ACKR2: variants seen among roughly 807,000 people sequenced by gnomAD.
The protein encoded by ACKR2 is atypical chemokine receptor 2.
For synonymous variants in ACKR2, 207 were observed against 192.2 expected, an observed-to-expected ratio of 1.08 and a Z score of -0.64; for missense variants, 457 against 477.3, an observed-to-expected ratio of 0.96 and a Z score of 0.40.
chr3:42,843,438 A>C (rs930639288), intron 2 of ACKR2, among the ~76,000 whole-genome samples: 7 of 152,198 alleles, frequency 4.6e-5, no homozygotes, highest in African/African-American at 1.7e-4. Flanking sequence ...GTAGTTGGGT[A>C]ATATTATTTT....
At chr3:42,821,821 C>T (rs949255479) in intron 2 of ACKR2, among the ~76,000 whole-genome samples, 13 of 152,024 alleles carry the variant, frequency 8.6e-5, no homozygotes, top group African/African-American at 2.4e-4. Context: ...CTCAGCCTCC[C>T]GAGTAGCTGG....
At chr3:42,853,429 GTTA>G (rs1701184442) in intron 2 of ACKR2, among the ~76,000 whole-genome samples, 1 of 152,114 alleles carries the variant, frequency 6.6e-6, no homozygotes, top group African/African-American at 2.4e-5. Context: ...CAACCTAGTT[GTTA>G]TTATTGTTAT....
At chr3:42,841,031 C>G (rs1050800930) in intron 2 of ACKR2, among the ~76,000 whole-genome samples, 3 of 152,120 alleles carry the variant, frequency 2.0e-5, no homozygotes, top group Admixed American at 2.0e-4. Context: ...CCACCCCTAC[C>G]CCCAGCAGTC....
intron 1 of ACKR2, among the ~76,000 whole-genome samples, chr3:42,812,084 C>T (rs764153708): frequency 1.6e-4 from 24 of 152,222 alleles, no homozygotes; most frequent in Non-Finnish European, 2.1e-4. Context: ...CCTGGGACCA[C>T]TGTTCTTTCT....
Position 42,834,879 on chromosome 3 carries a change from AT to A in ACKR2, c.-38+15178del, listed in dbSNP as rs910469798. On this transcript the variant is annotated intron_variant, in intron 2 of 2. Coordinates refer to ENST00000422265, the MANE Select transcript of ACKR2 (RefSeq NM_001296.5). ...GGCATGAGCCACTGTGCCCGGGCAA[AT>A]TTTTTTTTTATTATTATTTTTTGAG... is the stretch of plus-strand genomic sequence containing the variant. 4.7e-5 allele frequency among the ~76,000 whole-genome samples: 7 copies of A among 148,466 alleles called. No homozygotes were observed. In the East Asian group the frequency reaches 5.9e-4, roughly 12 times the overall value.
At chr3:42,861,393 C>T (rs1013103672) in intron 2 of ACKR2, among the ~76,000 whole-genome samples, 5 of 152,050 alleles carry the variant, frequency 3.3e-5, no homozygotes, top group African/African-American at 1.2e-4. Context: ...CCATAAAAAG[C>T]CCAGGACCAG....
chr3:42,865,381 A>G lies in ACKR2; in HGVS notation c.879A>G (p.Ala293=). 6.2e-7 allele frequency: 1 copy of G among 1,613,940 alleles called. No homozygotes were observed. The highest frequency in any genetic ancestry group is 8.5e-7 in the Non-Finnish European group (1 of 1,179,964). ...NCEVSQHLDY[A]LQVTESIAFL... ...AGGTCAGCCAGCATCTAGACTACGC[A>G]CTCCAGGTAACAGAGAGCATCGCCT... The change falls in exon 3 of 3, where the codon GCA becomes GCG. Residue 293 remains alanine (A), a synonymous_variant. Coordinates refer to ENST00000422265, the MANE Select transcript of ACKR2 (RefSeq NM_001296.5).
At chr3:42,848,209 A>T (rs868350677) in intron 2 of ACKR2, among the ~76,000 whole-genome samples, 1,533 of 140,488 alleles carry the variant, frequency 0.011, 27 homozygotes, top group African/African-American at 0.037. Context: ...TTTAAAAAAA[A>T]AAAATTTTTT....
chr3:42,816,853 T>C (rs1700755922), intron 1 of ACKR2, among the ~76,000 whole-genome samples: 1 of 152,072 alleles, frequency 6.6e-6, no homozygotes, highest in Non-Finnish European at 1.5e-5. Context: ...CCACCATGCC[T>C]GTCTAGCACT....
At chr3:42,847,784 G>A (rs575689001) in intron 2 of ACKR2, among the ~76,000 whole-genome samples, 1 of 152,078 alleles carries the variant, frequency 6.6e-6, no homozygotes, top group Non-Finnish European at 1.5e-5. Context: ...GGGCTACCTG[G>A]CCAGGCTCAG....
intron 2 of ACKR2, among the ~76,000 whole-genome samples, chr3:42,829,856 AC>A (rs1432679073): frequency 6.6e-6 from 1 of 152,200 alleles, no homozygotes; most frequent in Non-Finnish European, 1.5e-5. Context: ...TGCAAAGGGC[AC>A]CGGGGTACAT....
chr3:42,851,868 T>C (rs1255798823), intron 2 of ACKR2, among the ~76,000 whole-genome samples: 1 of 152,202 alleles, frequency 6.6e-6, no homozygotes, highest in Admixed American at 6.5e-5. Flanking sequence ...TCTCTTCTTT[T>C]GCACATGTCC....
intron 1 of ACKR2, among the ~76,000 whole-genome samples, chr3:42,814,442 T>G (rs1162381964): frequency 6.6e-6 from 1 of 152,198 alleles, no homozygotes; most frequent in African/African-American, 2.4e-5. Flanking sequence ...ATGCTGCAAA[T>G]AGCTGTCTAC....
chr3:42,840,245 G>A (rs1701023315), intron 2 of ACKR2, among the ~76,000 whole-genome samples: 1 of 132,688 alleles, frequency 7.5e-6, no homozygotes, highest in Non-Finnish European at 1.5e-5. Context: ...GGGCGACAGA[G>A]CGAGACTCCG....
In ACKR2 at chr3:42,843,037, T is replaced by G. The variant is rs1238154854; in HGVS notation, c.-37-21429T>G. On this transcript the variant is annotated intron_variant, in intron 2 of 2. Transcript: ENST00000422265. ...TCAGTTAATGAGTCATGTCTAGCTA[T>G]TTATTTATTTATTTATTTATTTATT... Among the ~76,000 whole-genome samples, 3 of 40,356 alleles carry G rather than the reference T, an allele frequency of 7.4e-5. No individual in the cohort carries two copies. The East Asian group carries it at 5.7e-3, about 76-fold the overall frequency. The allele number at this position is 40,356 out of a possible 152,430, so 26.5% of individuals were successfully genotyped here. A position where few individuals can be genotyped will look rare whatever the true frequency, so the allele number is the denominator to read the frequency against.
chr3:42,825,600 T>C (rs1331326799), intron 2 of ACKR2, among the ~76,000 whole-genome samples: 3 of 150,856 alleles, frequency 2.0e-5, no homozygotes, highest in South Asian at 2.1e-4. Context: ...TGTGTGTGTG[T>C]GCGTGTGTGT....
chr3:42,860,188 A>AAAAAAAAC (rs1559693615), intron 2 of ACKR2, among the ~76,000 whole-genome samples: 4 of 146,172 alleles, frequency 2.7e-5, no homozygotes, highest in African/African-American at 1.0e-4. Context: ...AAAAAAAAAA[A>AAAAAAAAC]AGCAGGGGAT....
chr3:42,865,725 C>A lies in ACKR2; in HGVS notation c.*68C>A. 7.8e-7 allele frequency: 1 copy of A among 1,289,744 alleles called. No individual in the cohort carries two copies. The highest frequency in any genetic ancestry group is 1.1e-6 in the Non-Finnish European group (1 of 920,600). 79.9% of individuals were successfully genotyped at this position (1,289,744 alleles called of 1,614,324 possible). A position where few individuals can be genotyped will look rare whatever the true frequency, so the allele number is the denominator to read the frequency against. ...CAATTGGGTGTCCACTCAAAGTGCT[C>A]TCTCCAGGGGCCTCAGTGACTGTGT... On this transcript the variant is annotated 3_prime_UTR_variant, in exon 3 of 3. Transcript: ENST00000422265.
At chr3:42,810,642 A>C (rs1474379389) in intron 1 of ACKR2, among the ~76,000 whole-genome samples, 1 of 152,244 alleles carries the variant, frequency 6.6e-6, no homozygotes, top group African/African-American at 2.4e-5. Flanking sequence ...AAATTAGTTT[A>C]AATTGTACGA....
Sources: allele counts gnomAD v4.1 joint callset (sites outside exome capture counted in the v4.1 genomes callset), GRCh38; gene constraint gnomAD v4.1.1; transcripts MANE v1.5; gene names NCBI Gene and HGNC (gene_info 2026-07-23, HGNC 2026-07-21).